Variants in TACC2 observed in about 807,000 individuals in gnomAD.
TACC2 encodes transforming acidic coiled-coil-containing protein 2.
Under a neutral mutation model 227.3 loss-of-function variants are expected in TACC2, and 137 were observed. That is an observed-to-expected ratio of 0.60 (90% CI 0.52 to 0.69). The LOEUF (loss-of-function observed/expected upper bound fraction) is 0.69. Ranked by LOEUF, TACC2 falls within the 30% of genes least tolerant of loss-of-function variation. The pLI is 0.00. For missense variants in TACC2, 3,470 were observed against 3,694.4 expected (o/e 0.94, Z 1.57); for synonymous variants, 1,523 against 1,487.5 (o/e 1.02, Z -0.55).
chr10:121,991,213 T>A (rs1040849577), intron 1 of TACC2, among the ~76,000 whole-genome samples: 1 of 152,240 alleles, frequency 6.6e-6, no homozygotes, highest in African/African-American at 2.4e-5. Context: ...ATTTTATGTA[T>A]GGAGATAAAT....
At chr10:122,010,600 G>A (rs1159231007) in intron 1 of TACC2, among the ~76,000 whole-genome samples, 1 of 152,154 alleles carries the variant, frequency 6.6e-6, no homozygotes, top group African/African-American at 2.4e-5. Flanking sequence ...GACAACACTG[G>A]TGGCTGCCAC....
At chr10:122,111,396 C>A (rs1187058549) in intron 5 of TACC2, among the ~76,000 whole-genome samples, 1 of 152,212 alleles carries the variant, frequency 6.6e-6, no homozygotes, top group Non-Finnish European at 1.5e-5. Context: ...ACCTCAAGTT[C>A]ATCTTAGCTC....
chr10:122,084,077 T>C lies in TACC2; in HGVS notation c.1577T>C (p.Val526Ala), dbSNP rs770836132. ...PPLPKEQSHEVQPGAPPPPLP... is the reference protein window; with the variant it reads ...PPLPKEQSHEAQPGAPPPPLP... ...CTTCCCAAGGAGCAAAGCCATGAGG[T>C]CCAACCAGGAGCACCACCCCCTCCT... The change falls in exon 4 of 23, where the codon GTC becomes GCC. Residue 526 changes from valine (V) to alanine (A), a missense_variant. Physicochemically the swap from Val to Ala is moderately conservative, Grantham distance 64. Around this residue, in one of 10 missense-constraint regions of TACC2, gnomAD observed 1,924 missense variants for 1,978.3 expected, o/e 0.97. Coordinates refer to ENST00000369005, the MANE Select transcript of TACC2 (RefSeq NM_206862.4). 1 of 1,612,986 alleles carries C rather than the reference T, an allele frequency of 6.2e-7. No individual in the cohort carries two copies.
Position 122,211,311 on chromosome 10 carries a change from A to C in TACC2, c.6886A>C (p.Lys2296Gln). The change falls in exon 9 of 23, where the codon AAA becomes CAA. Residue 2296 changes from lysine to glutamine, a missense_variant. Lys to Gln is a moderately conservative substitution (Grantham distance 53). Coordinates refer to ENST00000369005, the MANE Select transcript of TACC2 (RefSeq NM_206862.4). Reference protein sequence around the residue: ...TKKIGKKPVAKMPLRRPKMKK... With the variant: ...TKKIGKKPVAQMPLRRPKMKK... ...AAAGATAGGCAAAAAGCCAGTTGCCAAAATGCCCCTGAGGAGGCCAAAGAT... is the reference window on the plus strand; with the variant it reads ...AAAGATAGGCAAAAAGCCAGTTGCCCAAATGCCCCTGAGGAGGCCAAAGAT... 6.2e-7 allele frequency: 1 copy of C among 1,614,164 alleles called. No individual in the cohort carries two copies. The highest frequency in any genetic ancestry group is 8.5e-7 in the Non-Finnish European group (1 of 1,180,028).
At chr10:122,068,272 C>A (rs1398772583) in intron 3 of TACC2, among the ~76,000 whole-genome samples, 2 of 152,066 alleles carry the variant, frequency 1.3e-5, no homozygotes, top group Non-Finnish European at 2.9e-5. Context: ...GAAAAAAAGT[C>A]TTTTTATAGT....
At chr10:122,010,683 G>A (rs748558240) in intron 1 of TACC2, among the ~76,000 whole-genome samples, 1 of 152,130 alleles carries the variant, frequency 6.6e-6, no homozygotes, top group Non-Finnish European at 1.5e-5. Flanking sequence ...GTCTTCCCTC[G>A]TGTGGCATCC....
chr10:122,095,386 T>C (rs2081267959), intron 5 of TACC2, among the ~76,000 whole-genome samples: 1 of 152,226 alleles, frequency 6.6e-6, no homozygotes, highest in Non-Finnish European at 1.5e-5. Flanking sequence ...AGTACTCCCT[T>C]ACAGCGCTGT....
At position 122,087,412 on chromosome 10, in the gene TACC2, A is replaced by G. The variant is rs760644346; in HGVS notation, c.4912A>G (p.Arg1638Gly). 8 of 1,613,860 alleles carry G rather than the reference A, an allele frequency of 5.0e-6. No homozygotes were observed. In the South Asian group the frequency reaches 7.7e-5, roughly 16 times the overall value. The change falls in exon 4 of 23, where the codon AGG becomes GGG. Residue 1638 changes from arginine (R) to glycine (G), a missense_variant. This residue lies in a region of TACC2 where 1,924 missense variants were observed against 1,978.3 expected (regional missense o/e 0.97). Coordinates refer to ENST00000369005, the MANE Select transcript of TACC2 (RefSeq NM_206862.4). ...PRSTCAPSPQ[R>G]EVLTVPEANS... ...GTCCACGTGTGCCCCTTCTCCTCAG[A>G]GGGAGGTTTTGACTGTGCCTGAGGC... is the stretch of plus-strand genomic sequence containing the variant.
chr10:122,198,870 C>T (rs947925072), intron 8 of TACC2, among the ~76,000 whole-genome samples: 4 of 152,132 alleles, frequency 2.6e-5, no homozygotes, highest in African/African-American at 9.7e-5. Context: ...GCAGTCCTGC[C>T]AGCCTGTCCT....
rs1344864214 is a variant in TACC2 at position 122,043,503 on chromosome 10, TTC to T, written c.34-6931_34-6930del. On this transcript the variant is annotated intron_variant, in intron 2 of 22. Transcript: ENST00000369005. ...TCTCTTTCTTTTTCTTTCTTTCTTTTTCTCTTTCTTTTTCTTTCTTTTCTTTC... is the reference window on the plus strand; with the variant it reads ...TCTCTTTCTTTTTCTTTCTTTCTTTTTCTTTCTTTTTCTTTCTTTTCTTTC... Among the ~76,000 whole-genome samples the T allele has an allele frequency of 8.9e-3, 1,299 of 145,370 alleles. 20 individuals carry two copies. The highest frequency in any genetic ancestry group is 0.031 in the African/African-American group (1,224 of 40,044).
chr10:122,059,960 C>G (rs970152952), intron 3 of TACC2, among the ~76,000 whole-genome samples: 7 of 94,056 alleles, frequency 7.4e-5, no homozygotes, highest in African/African-American at 2.2e-4. Flanking sequence ...TTAACAAGCC[C>G]AGGGATCTGG....
intron 5 of TACC2, among the ~76,000 whole-genome samples, chr10:122,117,335 AG>A (rs2084888728): frequency 1.3e-5 from 2 of 151,882 alleles, no homozygotes; most frequent in East Asian, 3.9e-4. Flanking sequence ...CTGGGACTAC[AG>A]GTGTGCACCA....
At chr10:122,231,909 G>T (rs188960296) in intron 16 of TACC2, among the ~76,000 whole-genome samples, 1 of 152,232 alleles carries the variant, frequency 6.6e-6, no homozygotes, top group Non-Finnish European at 1.5e-5. Flanking sequence ...CTGCAGGGGG[G>T]CAGTGAGGTC....
intron 3 of TACC2, among the ~76,000 whole-genome samples, chr10:122,071,609 C>T (rs1287912331): frequency 6.6e-6 from 1 of 151,438 alleles, no homozygotes; most frequent in African/African-American, 2.4e-5. Flanking sequence ...CACAGTGGCT[C>T]ACTCCTGTAA....
chr10:122,248,428 G>A, intron 19 of TACC2: 2 of 591,200 alleles, frequency 3.4e-6, no homozygotes, highest in Non-Finnish European at 3.0e-6. Flanking sequence ...ACGCGAGGCT[G>A]CACAGGCCCG....
chr10:122,152,641 G>A (rs989245191), intron 7 of TACC2, among the ~76,000 whole-genome samples: 3 of 152,182 alleles, frequency 2.0e-5, no homozygotes, highest in African/African-American at 4.8e-5. Flanking sequence ...GAGGCAGCTT[G>A]TCCCGAGGTT....
chr10:122,112,262 G>GGTA (rs540497832), intron 5 of TACC2, among the ~76,000 whole-genome samples: 278 of 152,284 alleles, frequency 1.8e-3, no homozygotes, highest in African/African-American at 6.4e-3. Context: ...CCATGGTGTT[G>GGTA]GCAGGTAAGC....
At chr10:122,176,099 CTCTCTCTCTCTCTCTCTCTATATATA>C (rs761835665) in intron 7 of TACC2, among the ~76,000 whole-genome samples, 3,329 of 88,648 alleles carry the variant, frequency 0.038, 34 homozygotes, top group African/African-American at 0.073. Flanking sequence ...CTCTCTCTCT[CTCTCTCTCTCTCTCTCTCTATATATA>C]TATATATATA....
At chr10:122,118,898 G>C (rs1265929884) in intron 5 of TACC2, among the ~76,000 whole-genome samples, 1 of 152,160 alleles carries the variant, frequency 6.6e-6, no homozygotes, top group Non-Finnish European at 1.5e-5. Flanking sequence ...ATATCATTCT[G>C]TTAGTGCTAT....
Sources: gnomAD v4.1 joint callset for allele counts (sites outside exome capture counted in the v4.1 genomes callset) on GRCh38, gnomAD v4.1.1 for gene constraint, gnomAD v4.1.1 regional missense constraint, MANE v1.5 for transcripts, NCBI Gene and HGNC (gene_info 2026-07-23, HGNC 2026-07-21) for gene names.